The following SNCAIP variants were observed in gnomAD, a reference collection of about 807,000 sequenced individuals.
SNCAIP encodes synuclein alpha interacting protein, also known as synphilin-1.
A neutral mutation model predicts 86.7 loss-of-function variants in SNCAIP; 43 were observed. The ratio of observed to expected loss-of-function variants is 0.50; its 90% CI spans 0.39 to 0.64. The LOEUF (loss-of-function observed/expected upper bound fraction) is 0.64, where lower values mean the gene tolerates loss of function less well. Ranked by LOEUF, SNCAIP falls within the 30% of genes least tolerant of loss-of-function variation. The pLI is 0.00. For missense variants in SNCAIP, 981 were observed against 1,103.1 expected, an observed-to-expected ratio of 0.89 and a Z score of 1.57; for synonymous variants, 417 against 427.2, an observed-to-expected ratio of 0.98 and a Z score of 0.29.
At chr5:122,312,197 A>AGGCTGTTCTGCTCCTGCCGCTGC (rs1412547943), upstream of SNCAIP, 7 of 151,204 alleles carry the variant, frequency 4.6e-5, no homozygotes, top group African/African-American at 1.7e-4. Flanking sequence ...ACTTCGGCTG[A>AGGCTGTTCTGCTCCTGCCGCTGC]GGCTGTTCTG....
At chr5:122,322,121 C>T (rs754410336) in intron 1 of SNCAIP, among the ~76,000 whole-genome samples, 4 of 152,184 alleles carry the variant, frequency 2.6e-5, no homozygotes, top group Non-Finnish European at 5.9e-5. Context: ...AGAGTCATCA[C>T]GATGAACTTT....
In SNCAIP at chr5:122,406,058, G is replaced by C. The variant is rs187667394; in HGVS notation, c.130+2193G>C. Among the ~76,000 whole-genome samples, 398 of 152,234 alleles carry C rather than the reference G, an allele frequency of 2.6e-3. 5 individuals carry two copies. Among genetic ancestry groups the C allele is most frequent in the Non-Finnish European group, 1.3e-3 (89 of 68,020 alleles). On this transcript the variant is annotated intron_variant, in intron 3 of 10. Coordinates refer to ENST00000261368, the MANE Select transcript of SNCAIP (RefSeq NM_005460.4). ...TTCCAATTTGATGGACCATTTGGAG[G>C]CTGGGAAACTGCATTCTGATAGATT... is the stretch of plus-strand genomic sequence containing the variant.
intron 1 of SNCAIP, among the ~76,000 whole-genome samples, chr5:122,330,814 T>A (rs1388457834): frequency 6.6e-6 from 1 of 152,080 alleles, no homozygotes; most frequent in African/African-American, 2.4e-5. Context: ...TTTCTATTAT[T>A]ATTACATTGT....
chr5:122,418,497 A>C (rs752257906), intron 3 of SNCAIP, among the ~76,000 whole-genome samples: 12 of 152,228 alleles, frequency 7.9e-5, no homozygotes, highest in Non-Finnish European at 1.6e-4. Context: ...ACTTGCAATA[A>C]ATTCAAGTTC....
Position 122,423,384 on chromosome 5 carries a change from C to T in SNCAIP, c.647C>T (p.Pro216Leu). ...TGTGTTCTTTCTCCCGTGAAAAGCCCTCACTTGAGAAAAGCATCAGCTGTC... is the reference window on the plus strand; with the variant it reads ...TGTGTTCTTTCTCCCGTGAAAAGCCTTCACTTGAGAAAAGCATCAGCTGTC... ...PFCVLSPVKS[P>L]HLRKASAVIH... Residue 216 changes from proline to leucine, a missense_variant, in exon 4 of 11, where the codon CCT becomes CTT. Coordinates refer to ENST00000261368, the MANE Select transcript of SNCAIP (RefSeq NM_005460.4). 6.2e-7 allele frequency: 1 copy of T among 1,613,566 alleles called. No individual in the cohort carries two copies. Among genetic ancestry groups the T allele is most frequent in the Non-Finnish European group, 8.5e-7 (1 of 1,179,634 alleles).
chr5:122,411,796 G>A (rs1171164493), intron 3 of SNCAIP, among the ~76,000 whole-genome samples: 1 of 152,116 alleles, frequency 6.6e-6, no homozygotes. Context: ...GTTTTAACAA[G>A]CTCAATCCCC....
intron 3 of SNCAIP, among the ~76,000 whole-genome samples, chr5:122,417,726 T>C (rs1203478764): frequency 6.6e-6 from 1 of 151,956 alleles, no homozygotes; most frequent in Non-Finnish European, 1.5e-5. Flanking sequence ...CCCTTCCTCC[T>C]TCCCTCCCCA....
At position 122,463,726 on chromosome 5, in the gene SNCAIP, A is replaced by G. The variant is rs950854870; in HGVS notation, c.*230A>G. The G allele has an allele frequency of 1.2e-5, 6 of 517,900 alleles. No homozygotes were observed. In the Admixed American group the frequency reaches 2.1e-4, roughly 18 times the overall value. 32.1% of individuals were successfully genotyped at this position (517,900 alleles called of 1,614,324 possible). ...CCTTAAATTTATAGTAGTAGACTGT[A>G]AAAGATTCATTTTGGGGTGATATCT... On this transcript the variant is annotated 3_prime_UTR_variant, in exon 11 of 11. Coordinates refer to ENST00000261368, the MANE Select transcript of SNCAIP (RefSeq NM_005460.4).
intron 1 of SNCAIP, among the ~76,000 whole-genome samples, chr5:122,351,116 A>G (rs1193861759): frequency 1.3e-5 from 2 of 152,198 alleles, no homozygotes; most frequent in African/African-American, 2.4e-5. Context: ...CTCAAATATA[A>G]AAGTGTTACC....
chr5:122,319,052 C>T (rs1752407278), intron 1 of SNCAIP, among the ~76,000 whole-genome samples: 1 of 150,938 alleles, frequency 6.6e-6, no homozygotes, highest in East Asian at 2.0e-4. Flanking sequence ...GCTCCTTCCT[C>T]CTGGCGACTG....
At chr5:122,379,704 A>G (rs1235439770) in intron 1 of SNCAIP, among the ~76,000 whole-genome samples, 2 of 151,574 alleles carry the variant, frequency 1.3e-5, no homozygotes, top group Non-Finnish European at 2.9e-5. Flanking sequence ...ATTATTTTGA[A>G]ATACGTCCCA....
rs1279109567 is a variant in SNCAIP at position 122,463,744 on chromosome 5, T to A, written c.*248T>A. 1 of 501,494 alleles carries A rather than the reference T, an allele frequency of 2.0e-6. No homozygotes were observed. The highest frequency in any genetic ancestry group is 1.9e-5 in the African/African-American group (1 of 51,670). 31.1% of individuals were successfully genotyped at this position (501,494 alleles called of 1,614,324 possible). On this transcript the variant is annotated 3_prime_UTR_variant, in exon 11 of 11. Coordinates refer to ENST00000261368, the MANE Select transcript of SNCAIP (RefSeq NM_005460.4). ...AGACTGTAAAAGATTCATTTTGGGG[T>A]GATATCTGTATATATAACTTGTTTT...
intron 3 of SNCAIP, among the ~76,000 whole-genome samples, chr5:122,415,751 C>T (rs770816630): frequency 1.7e-4 from 26 of 152,192 alleles, no homozygotes; most frequent in Non-Finnish European, 3.7e-4. Flanking sequence ...ACTGAGCCTG[C>T]TCACAGCTCT....
At chr5:122,448,511 T>G (rs1181673868) in intron 8 of SNCAIP, among the ~76,000 whole-genome samples, 1 of 148,826 alleles carries the variant, frequency 6.7e-6, no homozygotes, top group African/African-American at 2.5e-5. Flanking sequence ...TCAAACAATT[T>G]AGGAAAAGTA....
At chr5:122,449,765 A>G in intron 8 of SNCAIP, 80 bp from the exon 9 acceptor site, 2 of 968,150 alleles carry the variant, frequency 2.1e-6, no homozygotes, top group South Asian at 2.6e-5. Flanking sequence ...ACTGGAAATT[A>G]TTACGAAAAA....
intron 3 of SNCAIP, among the ~76,000 whole-genome samples, chr5:122,419,394 G>A (rs1201845700): frequency 1.3e-5 from 2 of 152,186 alleles, no homozygotes; most frequent in South Asian, 2.1e-4. Flanking sequence ...AGCTAGATCC[G>A]AAGAGATAAT....
At chr5:122,418,943 G>A (rs1191930779) in intron 3 of SNCAIP, among the ~76,000 whole-genome samples, 1 of 152,132 alleles carries the variant, frequency 6.6e-6, no homozygotes, top group Admixed American at 6.6e-5. Context: ...GAGGATGCCA[G>A]TGTGGTCCAG....
intron 1 of SNCAIP, among the ~76,000 whole-genome samples, chr5:122,361,275 C>T (rs1024030684): frequency 6.6e-6 from 1 of 151,816 alleles, no homozygotes; most frequent in African/African-American, 2.4e-5. Context: ...GTATCTGTCA[C>T]ACCTCCATCT....
intron 1 of SNCAIP, among the ~76,000 whole-genome samples, chr5:122,320,652 C>T (rs764332585): frequency 2.0e-5 from 3 of 152,084 alleles, no homozygotes; most frequent in Non-Finnish European, 2.9e-5. Flanking sequence ...TTCAGGTTTC[C>T]GAAAACTTAG....
Sources: gnomAD v4.1 joint callset for allele counts (sites outside exome capture counted in the v4.1 genomes callset) on GRCh38, gnomAD v4.1.1 for gene constraint, MANE v1.5 for transcripts, NCBI Gene and HGNC (gene_info 2026-07-23, HGNC 2026-07-21) for gene names.